GRAMD1C: variants seen among roughly 807,000 people sequenced by gnomAD.
The protein encoded by GRAMD1C is protein Aster-C.
In GRAMD1C, 89 loss-of-function variants were observed where a neutral mutation model predicts 97.8. That is an observed-to-expected ratio of 0.91 (90% CI 0.77 to 1.09). GRAMD1C has a LOEUF of 1.09. Among genes scored for constraint, GRAMD1C ranks in the 50% least tolerant of loss-of-function variants. GRAMD1C has a pLI of 0.00. For missense variants in GRAMD1C, 740 were observed against 766.4 expected (o/e 0.97, Z 0.41); for synonymous variants, 256 against 267.0 (o/e 0.96, Z 0.40).
At chr3:113,904,310 C>T (rs1936278048) in intron 8 of GRAMD1C, 38 bp downstream of exon 8, 2 of 1,323,100 alleles carry the variant, frequency 1.5e-6, no homozygotes, top group Non-Finnish European at 2.2e-6. Flanking sequence ...ATATCTGGTA[C>T]TGTCATGTCC....
chr3:113,921,993 T>TA (rs1196190374), intron 10 of GRAMD1C, among the ~76,000 whole-genome samples: 1 of 152,182 alleles, frequency 6.6e-6, no homozygotes. Flanking sequence ...ATTTTATTGT[T>TA]ATTGCAGTTG....
intron 7 of GRAMD1C, 94 bp downstream of exon 7, chr3:113,901,240 TA>T: frequency 1.4e-6 from 1 of 705,844 alleles, no homozygotes; most frequent in Non-Finnish European, 2.5e-6. Context: ...TCTAGTAATT[TA>T]TCTTTGGCTG....
At chr3:113,943,846 G>T (rs565712883) in intron 17 of GRAMD1C, among the ~76,000 whole-genome samples, 8 of 152,248 alleles carry the variant, frequency 5.3e-5, no homozygotes, top group African/African-American at 1.9e-4. Context: ...CCCAGGAGGC[G>T]GAGGTTGCAG....
intron 10 of GRAMD1C, chr3:113,919,656 A>G: frequency 1.5e-6 from 1 of 655,998 alleles, no homozygotes; most frequent in Non-Finnish European, 2.8e-6. Context: ...TTAGTAAAAG[A>G]ATGTGATCTT....
chr3:113,918,932 A>G (rs1037450760), intron 10 of GRAMD1C, among the ~76,000 whole-genome samples: 1 of 152,120 alleles, frequency 6.6e-6, no homozygotes, highest in African/African-American at 2.4e-5. Context: ...CTGGCCTCAA[A>G]TGATCCTCCC....
At chr3:113,938,042 TC>T in intron 14 of GRAMD1C, 43 bp from the exon 15 acceptor site, 1 of 939,990 alleles carries the variant, frequency 1.1e-6, no homozygotes. Context: ...TCAGTTGTAA[TC>T]ACAATTCTCA....
chr3:113,875,793 TAGAG>T (rs1487869462), intron 4 of GRAMD1C: 20 of 414,632 alleles, frequency 4.8e-5, no homozygotes, highest in Middle Eastern at 6.1e-4. Context: ...CCAGTATAGT[TAGAG>T]AAAGATATTT....
intron 11 of GRAMD1C, 117 bp from the exon 12 acceptor site, chr3:113,933,394 G>A: frequency 1.4e-6 from 1 of 692,076 alleles, no homozygotes; most frequent in Non-Finnish European, 2.5e-6. Context: ...TTGTATATAG[G>A]TTTCTCATGT....
intron 10 of GRAMD1C, among the ~76,000 whole-genome samples, chr3:113,930,071 G>A (rs750797288): frequency 2.0e-5 from 3 of 152,056 alleles, no homozygotes; most frequent in Non-Finnish European, 4.4e-5. Flanking sequence ...GTTCAAGTGG[G>A]TATTTAATCA....
chr3:113,901,594 C>T lies in GRAMD1C; in HGVS notation c.656+448C>T, dbSNP rs191192388. On this transcript the variant is annotated intron_variant, in intron 7 of 17. Transcript: ENST00000358160. The stretch of plus-strand genomic sequence containing the variant: ...TTAATGGAAGGAGCATATAGCCTAC[C>T]GTGGAATGCAAATAATTGTAATACA... Among the ~76,000 whole-genome samples, 440 of 152,092 alleles carry T rather than the reference C, an allele frequency of 2.9e-3. 6 individuals carry two copies. The highest frequency in any genetic ancestry group is 0.024 in the Admixed American group (371 of 15,268).
intron 6 of GRAMD1C, among the ~76,000 whole-genome samples, chr3:113,898,878 G>A (rs1222257242): frequency 2.0e-5 from 3 of 151,976 alleles, no homozygotes; most frequent in Admixed American, 2.0e-4. Context: ...TGCTCTTGTG[G>A]AATCCTGGTA....
chr3:113,857,931 A>AT (rs1217625176), intron 2 of GRAMD1C, among the ~76,000 whole-genome samples: 1 of 152,136 alleles, frequency 6.6e-6, no homozygotes, highest in East Asian at 1.9e-4. Flanking sequence ...TTATATCTAT[A>AT]TACATGAGGG....
At chr3:113,942,189 C>T (rs570503945) in intron 17 of GRAMD1C, among the ~76,000 whole-genome samples, 1 of 151,590 alleles carries the variant, frequency 6.6e-6, no homozygotes, top group South Asian at 2.1e-4. Context: ...GTTGGGATTG[C>T]AGGCATGAGC....
In GRAMD1C at chr3:113,922,459, G is replaced by A. The variant is rs147949409; in HGVS notation, c.1090+6621G>A. 1.1e-3 allele frequency among the ~76,000 whole-genome samples: 168 copies of A among 152,286 alleles called. 1 individual carries two copies. The highest frequency in any genetic ancestry group is 3.9e-3 in the African/African-American group (163 of 41,552). The stretch of plus-strand genomic sequence containing the variant: ...TCTTGAGCTGATTTTTATATATGGT[G>A]TAAGGAAGGGGGCTAGTTTCAATCT... On this transcript the variant is annotated intron_variant, in intron 10 of 17. Coordinates refer to ENST00000358160, the MANE Select transcript of GRAMD1C (RefSeq NM_017577.5).
chr3:113,895,772 A>C (rs1181400284), intron 6 of GRAMD1C, among the ~76,000 whole-genome samples: 1 of 152,106 alleles, frequency 6.6e-6, no homozygotes, highest in African/African-American at 2.4e-5. Flanking sequence ...CCTTCTACCC[A>C]GTCACCCAAG....
chr3:113,850,785 TTTTTA>T, intron 2 of GRAMD1C: 13 of 796,874 alleles, frequency 1.6e-5, no homozygotes, highest in Non-Finnish European at 2.4e-5. Context: ...CTTAATTTTT[TTTTTA>T]TTTTTATTTT....
chr3:113,852,038 C>T (rs1933932021), intron 2 of GRAMD1C, among the ~76,000 whole-genome samples: 1 of 152,058 alleles, frequency 6.6e-6, no homozygotes, highest in Non-Finnish European at 1.5e-5. Context: ...CCGGCCTATT[C>T]TGTACTTTAT....
intron 3 of GRAMD1C, 25 bp downstream of exon 3, chr3:113,869,616 A>G: frequency 9.6e-7 from 1 of 1,045,440 alleles, no homozygotes; most frequent in East Asian, 2.4e-5. Context: ...TTCAAAAAAA[A>G]GTTTTATTAC....
intron 5 of GRAMD1C, among the ~76,000 whole-genome samples, chr3:113,879,204 C>CAA (rs34645312): frequency 6.9e-6 from 1 of 144,548 alleles, no homozygotes; most frequent in Non-Finnish European, 1.5e-5. Context: ...GACTCCGTCT[C>CAA]AAAAAAAAAA....
Sources: allele counts gnomAD v4.1 joint callset (sites outside exome capture counted in the v4.1 genomes callset), GRCh38; gene constraint gnomAD v4.1.1; transcripts MANE v1.5; gene names NCBI Gene and HGNC (gene_info 2026-07-23, HGNC 2026-07-21).